NIPAL1: variants seen among roughly 807,000 people sequenced by gnomAD.
NIPAL1 encodes the protein magnesium transporter NIPA3.
In NIPAL1, 35 loss-of-function variants were observed where a neutral mutation model predicts 37.7. The observed-to-expected ratio is 0.93, with a 90% CI of 0.71 to 1.23. The LOEUF (loss-of-function observed/expected upper bound fraction) is 1.23. NIPAL1 is among the 50% of genes most tolerant of loss of function. The probability of loss-of-function intolerance (pLI) is 0.00; values close to 1 mark genes in which losing one functional copy is unlikely to be tolerated. For missense variants in NIPAL1, 412 were observed against 473.9 expected, an observed-to-expected ratio of 0.87 and a Z score of 1.21; for synonymous variants, 162 against 183.0, an observed-to-expected ratio of 0.89 and a Z score of 0.93.
At chr4:48,022,064 G>A (rs767160560) in intron 1 of NIPAL1, among the ~76,000 whole-genome samples, 1 of 152,150 alleles carries the variant, frequency 6.6e-6, no homozygotes, top group Non-Finnish European at 1.5e-5. Flanking sequence ...GAATGGAGTA[G>A]ATGTTCTCTT....
At chr4:48,023,900 C>T (rs1023031644) in intron 1 of NIPAL1, among the ~76,000 whole-genome samples, 2 of 151,444 alleles carry the variant, frequency 1.3e-5, no homozygotes, top group African/African-American at 4.9e-5. Context: ...ACTTTTAAAA[C>T]GTTTTTTGAA....
chr4:48,039,231 A>C lies in NIPAL1; in HGVS notation c.*3059A>C, dbSNP rs12640113. The C allele has an allele frequency of 6.6e-6, 1 of 151,906 alleles. No homozygotes were observed. Among genetic ancestry groups the C allele is most frequent in the African/African-American group, 2.4e-5 (1 of 41,312 alleles). 9.4% of individuals were successfully genotyped at this position (151,906 alleles called of 1,614,324 possible). A position where few individuals can be genotyped will look rare whatever the true frequency, so the allele number is the denominator to read the frequency against. Reference sequence around the variant, plus strand: ...ATGGTTGCGGGTGCCTATAATCCCAACTACCCCGGAGGCTGAGGCAGGGAA... The same window carrying C: ...ATGGTTGCGGGTGCCTATAATCCCACCTACCCCGGAGGCTGAGGCAGGGAA... On this transcript the variant is annotated 3_prime_UTR_variant, in exon 6 of 6. Coordinates refer to ENST00000295461, the MANE Select transcript of NIPAL1 (RefSeq NM_207330.3).
At chr4:48,022,479 C>G (rs1403665236) in intron 1 of NIPAL1, among the ~76,000 whole-genome samples, 3 of 152,254 alleles carry the variant, frequency 2.0e-5, no homozygotes, top group South Asian at 4.1e-4. Context: ...TCCCACACCC[C>G]CTACAATGTC....
At chr4:48,035,419 T>C (rs1715904724) in intron 5 of NIPAL1, 143 bp from the exon 6 acceptor site, 1 of 743,272 alleles carries the variant, frequency 1.3e-6, no homozygotes, top group East Asian at 2.5e-5. Context: ...TATTGAGAAC[T>C]ATGCAATAGA....
At chr4:48,017,308 G>A (rs1356907159) in intron 1 of NIPAL1, among the ~76,000 whole-genome samples, 1 of 152,166 alleles carries the variant, frequency 6.6e-6, no homozygotes, top group African/African-American at 2.4e-5. Context: ...CTGCCTGGGG[G>A]GCCCGTGGGA....
rs1327759834 is a variant in NIPAL1 at position 48,035,768 on chromosome 4, T to C, written c.829T>C (p.Phe277Leu). The change falls in exon 6 of 6, where the codon TTT (phenylalanine) becomes CTT (leucine). Residue 277 changes from phenylalanine (F) to leucine (L), a missense_variant. Physicochemically the swap from Phe to Leu is conservative, Grantham distance 22. Coordinates refer to ENST00000295461, the MANE Select transcript of NIPAL1 (RefSeq NM_207330.3). The stretch of plus-strand genomic sequence containing the variant: ...GCCAGTTTACAAACATCCGCTGGTC[T>C]TTGTTTTGCTGGCTGTACTTGTGCT... ...WKPVYKHPLVFVLLAVLVLSV... is the reference protein window; with the variant it reads ...WKPVYKHPLVLVLLAVLVLSV... 4 of 1,614,108 alleles carry C rather than the reference T, an allele frequency of 2.5e-6. No homozygotes were observed. The highest frequency in any genetic ancestry group is 2.7e-5 in the African/African-American group (2 of 74,952).
chr4:48,029,336 G>A (rs1715766959), intron 2 of NIPAL1, among the ~76,000 whole-genome samples: 1 of 152,242 alleles, frequency 6.6e-6, no homozygotes, highest in South Asian at 2.1e-4. Context: ...AAAATCAAAA[G>A]CTGCATGTTC....
intron 1 of NIPAL1, among the ~76,000 whole-genome samples, chr4:48,021,041 A>G (rs1198978698): frequency 6.6e-6 from 1 of 152,176 alleles, no homozygotes; most frequent in East Asian, 1.9e-4. Flanking sequence ...ATAAATTTCA[A>G]CTGGCTTTTT....
Position 48,030,181 on chromosome 4 carries a change from G to A in NIPAL1, c.370+5G>A, listed in dbSNP as rs1354619448. The A allele has an allele frequency of 2.0e-6, 3 of 1,537,784 alleles. No individual in the cohort carries two copies. Among genetic ancestry groups the A allele is most frequent in the Non-Finnish European group, 2.7e-6 (3 of 1,111,026 alleles). ...GGTGGGTAGGATTGCTGTCAAGTAAGTTTTTAATACTGAGAATACTGTTTA... is the reference window on the plus strand; with the variant it reads ...GGTGGGTAGGATTGCTGTCAAGTAAATTTTTAATACTGAGAATACTGTTTA... On this transcript the variant is annotated splice_donor_5th_base_variant and intron_variant, in intron 3 of 5. Transcript: ENST00000295461.
Position 48,039,771 on chromosome 4 carries a change from T to G in NIPAL1, c.*3599T>G, listed in dbSNP as rs565348224. 3.9e-5 allele frequency: 6 copies of G among 152,376 alleles called. No homozygotes were observed. In the East Asian group the frequency reaches 1.2e-3, roughly 29 times the overall value. 9.4% of individuals were successfully genotyped at this position (152,376 alleles called of 1,614,324 possible). ...GCACTTAGTAAAATGTACTTTTCTT[T>G]GAATCAACATTTGAATTCTTACAGT... On this transcript the variant is annotated 3_prime_UTR_variant, in exon 6 of 6. Transcript: ENST00000295461.
intron 5 of NIPAL1, 89 bp from the exon 6 acceptor site, chr4:48,035,473 A>G (rs1309580348): frequency 1.7e-6 from 2 of 1,167,612 alleles, no homozygotes; most frequent in East Asian, 2.3e-5. Flanking sequence ...TAAAATACCT[A>G]TGCTCTTAAA....
intron 5 of NIPAL1, among the ~76,000 whole-genome samples, chr4:48,035,337 A>G (rs1331459263): frequency 6.6e-6 from 1 of 152,246 alleles, no homozygotes; most frequent in Non-Finnish European, 1.5e-5. Flanking sequence ...AGTTAATCTG[A>G]TAATATTCGC....
At chr4:48,024,993 T>C in intron 1 of NIPAL1, 75 bp from the exon 2 acceptor site, 1 of 1,344,080 alleles carries the variant, frequency 7.4e-7, no homozygotes, top group Non-Finnish European at 1.0e-6. Context: ...CAAGGCTCTG[T>C]TTCCTGCAGA....
At chr4:48,021,781 G>A (rs549449143) in intron 1 of NIPAL1, among the ~76,000 whole-genome samples, 4 of 152,126 alleles carry the variant, frequency 2.6e-5, no homozygotes, top group African/African-American at 9.6e-5. Flanking sequence ...GATATATGGA[G>A]AAAATCTTTT....
In NIPAL1 at chr4:48,034,981, G is replaced by A. The variant is rs774195228; in HGVS notation, c.562G>A (p.Ala188Thr). 6.2e-6 allele frequency: 10 copies of A among 1,613,586 alleles called. No individual in the cohort carries two copies. Among genetic ancestry groups the A allele is most frequent in the Non-Finnish European group, 8.5e-6 (10 of 1,179,624 alleles). ...ILGSTVMVIHAPQEEEVTSLH... is the reference protein window; with the variant it reads ...ILGSTVMVIHTPQEEEVTSLH... Reference sequence around the variant, plus strand: ...GGGGTCAACTGTGATGGTTATCCATGCCCCACAAGAAGAGGAAGTCACATC... The same window carrying A: ...GGGGTCAACTGTGATGGTTATCCATACCCCACAAGAAGAGGAAGTCACATC... The change falls in exon 5 of 6, where the codon GCC becomes ACC. Residue 188 changes from alanine to threonine, a missense_variant. Physicochemically the swap from Ala to Thr is moderately conservative, Grantham distance 58. Coordinates refer to ENST00000295461, the MANE Select transcript of NIPAL1 (RefSeq NM_207330.3).
At chr4:48,018,769 C>T (rs765736296) in intron 1 of NIPAL1, among the ~76,000 whole-genome samples, 1 of 152,174 alleles carries the variant, frequency 6.6e-6, no homozygotes, top group Non-Finnish European at 1.5e-5. Context: ...GGACTAGGTT[C>T]CTGCTCTCAG....
At chr4:48,024,439 C>A (rs1202965484) in intron 1 of NIPAL1, among the ~76,000 whole-genome samples, 1 of 151,934 alleles carries the variant, frequency 6.6e-6, no homozygotes, top group Non-Finnish European at 1.5e-5. Context: ...CCACCACGCC[C>A]GGTTAATTTT....
intron 2 of NIPAL1, among the ~76,000 whole-genome samples, chr4:48,028,603 G>T (rs1433719870): frequency 2.0e-5 from 3 of 152,010 alleles, no homozygotes; most frequent in African/African-American, 7.2e-5. Context: ...CTTCTGCAGA[G>T]CAAGAAAAAT....
In NIPAL1 at chr4:48,017,104, T is replaced by C. The variant is rs183257748; in HGVS notation, c.46+219T>C. On this transcript the variant is annotated intron_variant, in intron 1 of 5. Coordinates refer to ENST00000295461, the MANE Select transcript of NIPAL1 (RefSeq NM_207330.3). ...TTCGGGCTGTGCTGGAAAACCTGAG[T>C]GGAATAAGGCAGGTGGGACTCCCAC... Among the ~76,000 whole-genome samples, 707 of 152,132 alleles carry C rather than the reference T, an allele frequency of 4.6e-3. 5 individuals carry two copies. The highest frequency in any genetic ancestry group is 7.3e-3 in the Non-Finnish European group (493 of 67,982).
Sources: gnomAD v4.1 joint callset for allele counts (sites outside exome capture counted in the v4.1 genomes callset) on GRCh38, gnomAD v4.1.1 for gene constraint, MANE v1.5 for transcripts, NCBI Gene and HGNC (gene_info 2026-07-23, HGNC 2026-07-21) for gene names.